Variants in TRIP4 observed in about 807,000 individuals in gnomAD.
The protein encoded by TRIP4 is thyroid hormone receptor interactor 4.
TRIP4 carries 54 observed loss-of-function variants against 81.8 expected under a neutral mutation model. That is an observed-to-expected ratio of 0.66 (90% CI 0.53 to 0.83). The LOEUF (loss-of-function observed/expected upper bound fraction) is 0.83, where lower values mean the gene tolerates loss of function less well. Among genes scored for constraint, TRIP4 ranks in the 40% least tolerant of loss-of-function variants. The pLI, the probability that TRIP4 is intolerant of heterozygous loss-of-function variation, is 0.00. For missense variants in TRIP4, 662 were observed against 683.6 expected (o/e 0.97, Z 0.35); for synonymous variants, 270 against 242.8 (o/e 1.11, Z -1.04).
Position 64,393,958 on chromosome 15 carries a change from A to C in TRIP4, c.114A>C (p.Ser38=). 6.3e-7 allele frequency: 1 copy of C among 1,586,892 alleles called. No individual in the cohort carries two copies. Among genetic ancestry groups the C allele is most frequent in the Non-Finnish European group, 8.6e-7 (1 of 1,169,428 alleles). The part of the protein sequence containing the change: ...VSEEIIQYVL[S]IESAEEIREY... The stretch of plus-strand genomic sequence containing the variant: ...TTTGCCTCCTGAGGTACGTTTTGTC[A>C]ATTGAGAGTGCTGAAGAGATACGAG... The change falls in exon 2 of 13, where the codon TCA becomes TCC. Residue 38 remains serine, a synonymous_variant. Transcript: ENST00000261884.
rs142834410 is a variant in TRIP4 at position 64,388,084 on chromosome 15, G to A, written c.101+120G>A. On this transcript the variant is annotated intron_variant, in intron 1 of 12. Transcript: ENST00000261884. ...AAATGTGATAAAGGGGCTGCAGTCT[G>A]TAGTCTGTAGGCGTCGAATTTTGGC... The A allele has an allele frequency of 1.2e-3, 1,675 of 1,373,264 alleles. 42 individuals carry two copies. In the East Asian group the frequency reaches 0.039, roughly 32 times the overall value. 85.1% of individuals were successfully genotyped at this position (1,373,264 alleles called of 1,614,324 possible). A position where few individuals can be genotyped will look rare whatever the true frequency, so the allele number is the denominator to read the frequency against.
At chr15:64,429,124 G>A (rs965230660) in intron 11 of TRIP4, among the ~76,000 whole-genome samples, 3 of 151,644 alleles carry the variant, frequency 2.0e-5, no homozygotes, top group Non-Finnish European at 4.4e-5. Context: ...AGACCAGCCT[G>A]GCCAACATGG....
chr15:64,402,934 G>T (rs1398857601), intron 5 of TRIP4, among the ~76,000 whole-genome samples: 1 of 148,790 alleles, frequency 6.7e-6, no homozygotes, highest in Middle Eastern at 3.8e-3. Flanking sequence ...ATCTCGGCTC[G>T]CTGCAAGCTC....
chr15:64,395,471 T>C lies in TRIP4; in HGVS notation c.345T>C (p.Val115=), dbSNP rs1900264159. The change falls in exon 3 of 13, where the codon GTT becomes GTC. Residue 115 remains valine (V), a synonymous_variant. Coordinates refer to ENST00000261884, the MANE Select transcript of TRIP4 (RefSeq NM_016213.5). ...AGAAAGGGAGAAACAGACAGGAAGTTCCTGCATTTACTGAACCTGACACGA... is the reference window on the plus strand; with the variant it reads ...AGAAAGGGAGAAACAGACAGGAAGTCCCTGCATTTACTGAACCTGACACGA... ...GRKKGRNRQE[V]PAFTEPDTTA... 4 of 1,613,840 alleles carry C rather than the reference T, an allele frequency of 2.5e-6. No individual in the cohort carries two copies. Among genetic ancestry groups the C allele is most frequent in the Non-Finnish European group, 3.4e-6 (4 of 1,179,982 alleles).
chr15:64,397,632 G>A lies in TRIP4; in HGVS notation c.432G>A (p.Lys144=). 1 of 1,613,204 alleles carries A rather than the reference G, an allele frequency of 6.2e-7. No individual in the cohort carries two copies. Among genetic ancestry groups the A allele is most frequent in the Non-Finnish European group, 8.5e-7 (1 of 1,179,130 alleles). The change falls in exon 4 of 13, where the codon AAG becomes AAA. Residue 144 remains lysine (K), a synonymous_variant. Coordinates refer to ENST00000261884, the MANE Select transcript of TRIP4 (RefSeq NM_016213.5). ...CACAAGAGAACAGCAACTCCGTAAA[G>A]AAGAAGACAAAGTTTGTCAATTTAT... is the stretch of plus-strand genomic sequence containing the variant. ...AKAQENSNSV[K]KKTKFVNLYT...
At chr15:64,408,249 ATTTTTTTTTTT>A (rs796182931) in intron 6 of TRIP4, among the ~76,000 whole-genome samples, 52 of 42,496 alleles carry the variant, frequency 1.2e-3, no homozygotes, top group African/African-American at 3.2e-3. Flanking sequence ...AAGAAGACAA[ATTTTTTTTTTT>A]TTTTTTTTTT....
intron 1 of TRIP4, among the ~76,000 whole-genome samples, chr15:64,388,557 C>T (rs1275400091): frequency 1.3e-5 from 2 of 152,162 alleles, no homozygotes; most frequent in Non-Finnish European, 2.9e-5. Flanking sequence ...GATCCGCCCG[C>T]CTCGACCTCC....
chr15:64,412,726 A>T (rs1183799149), intron 7 of TRIP4, among the ~76,000 whole-genome samples: 1 of 152,072 alleles, frequency 6.6e-6, no homozygotes, highest in Non-Finnish European at 1.5e-5. Flanking sequence ...CACAATTATT[A>T]TTGTTATCCA....
In TRIP4 at chr15:64,397,781, A is replaced by C. The variant is rs1355221585; in HGVS notation, c.581A>C (p.Gln194Pro). 14 of 1,614,148 alleles carry C rather than the reference A, an allele frequency of 8.7e-6. No individual in the cohort carries two copies. The highest frequency in any genetic ancestry group is 8.5e-7 in the Non-Finnish European group (1 of 1,180,058). ...CLICGRIVCE[Q>P]EGSGPCLFCG... ...ATCTGTGGGCGCATTGTCTGTGAACAAGAAGGCTCAGGCCCTTGCTTATTC... is the reference window on the plus strand; with the variant it reads ...ATCTGTGGGCGCATTGTCTGTGAACCAGAAGGCTCAGGCCCTTGCTTATTC... The change falls in exon 4 of 13, where the codon CAA (glutamine) becomes CCA (proline). Residue 194 changes from glutamine (Q) to proline (P), a missense_variant. Transcript: ENST00000261884.
chr15:64,438,079 G>A (rs1308368496), intron 11 of TRIP4, among the ~76,000 whole-genome samples: 1 of 152,170 alleles, frequency 6.6e-6, no homozygotes, highest in African/African-American at 2.4e-5. Flanking sequence ...ATTTGATAAA[G>A]GAGTATTGTT....
intron 11 of TRIP4, among the ~76,000 whole-genome samples, chr15:64,435,043 C>T (rs1892359448): frequency 6.7e-6 from 1 of 149,432 alleles, no homozygotes; most frequent in African/African-American, 2.5e-5. Flanking sequence ...TGGTGAAACC[C>T]CGTCTCTACA....
intron 10 of TRIP4, 46 bp downstream of exon 10, chr15:64,424,201 G>C: frequency 6.2e-7 from 1 of 1,606,722 alleles, no homozygotes; most frequent in Non-Finnish European, 8.5e-7. Context: ...ATGGAGAGAA[G>C]TCATTGACGT....
intron 11 of TRIP4, among the ~76,000 whole-genome samples, chr15:64,430,358 AT>A (rs758566258): frequency 6.6e-6 from 1 of 152,236 alleles, no homozygotes; most frequent in Admixed American, 6.5e-5. Flanking sequence ...TTCTCCTGTG[AT>A]TCCCCTGGAA....
chr15:64,397,732 C>T lies in TRIP4; in HGVS notation c.532C>T (p.His178Tyr), dbSNP rs1900335209. The T allele has an allele frequency of 1.9e-6, 3 of 1,614,122 alleles. No homozygotes were observed. Among genetic ancestry groups the T allele is most frequent in the Admixed American group, 1.7e-5 (1 of 60,000 alleles). ...RHPCDCLGQK[H>Y]KLINNCLICG... ...CCCTTGTGATTGCCTGGGCCAGAAGCACAAGCTCATCAATAACTGTCTGAT... is the reference window on the plus strand; with the variant it reads ...CCCTTGTGATTGCCTGGGCCAGAAGTACAAGCTCATCAATAACTGTCTGAT... The change falls in exon 4 of 13, where the codon CAC (histidine) becomes TAC (tyrosine). Residue 178 changes from histidine to tyrosine, a missense_variant. By Grantham distance (83) the His-to-Tyr change is moderately conservative. Coordinates refer to ENST00000261884, the MANE Select transcript of TRIP4 (RefSeq NM_016213.5).
rs568586559 is a variant in TRIP4 at position 64,388,027 on chromosome 15, G to A, written c.101+63G>A. ...GGGATGTGCACTGCCTGAGCGAACC[G>A]GGAAGCGGGGAGGACTGAAAAGTTA... On this transcript the variant is annotated intron_variant, in intron 1 of 12. Transcript: ENST00000261884. 4.8e-5 allele frequency: 71 copies of A among 1,478,988 alleles called. No individual in the cohort carries two copies. In the East Asian group the frequency reaches 1.7e-3, roughly 36 times the overall value. 91.6% of individuals were successfully genotyped at this position (1,478,988 alleles called of 1,614,324 possible).
intron 9 of TRIP4, among the ~76,000 whole-genome samples, chr15:64,419,451 C>G (rs1189870601): frequency 6.6e-6 from 1 of 151,966 alleles, no homozygotes; most frequent in African/African-American, 2.4e-5. Context: ...CTCCGCCTCC[C>G]AGGTTCACGC....
At chr15:64,452,020 A>G (rs1056025886) in intron 12 of TRIP4, among the ~76,000 whole-genome samples, 5 of 148,720 alleles carry the variant, frequency 3.4e-5, no homozygotes, top group Admixed American at 6.7e-5. Context: ...GTGCAATGGC[A>G]TGAGATCTTG....
intron 11 of TRIP4, among the ~76,000 whole-genome samples, chr15:64,438,370 A>G (rs539746234): frequency 1.3e-5 from 2 of 152,324 alleles, no homozygotes; most frequent in African/African-American, 4.8e-5. Context: ...CCTAGGCTGG[A>G]GTGCAATGGC....
intron 1 of TRIP4, among the ~76,000 whole-genome samples, chr15:64,391,970 CAAAA>C (rs35193532): frequency 1.7e-4 from 4 of 23,246 alleles, no homozygotes; most frequent in African/African-American, 5.3e-4. Context: ...GACTCTGTCT[CAAAA>C]AAAAAAAAAA....
Sources: gnomAD v4.1 joint callset for allele counts (sites outside exome capture counted in the v4.1 genomes callset) on GRCh38, gnomAD v4.1.1 for gene constraint, MANE v1.5 for transcripts, NCBI Gene and HGNC (gene_info 2026-07-23, HGNC 2026-07-21) for gene names.